The following ERCC6L2 variants were observed in gnomAD, a reference collection of about 807,000 sequenced individuals.
The protein encoded by ERCC6L2 is ERCC excision repair 6 like 2, also known as DNA excision repair protein ERCC-6-like 2.
ERCC6L2 carries 77 observed loss-of-function variants against 132.0 expected under a neutral mutation model. The observed-to-expected ratio is 0.58, with a 90% confidence interval of 0.49 to 0.71. ERCC6L2 has a LOEUF of 0.71. ERCC6L2 is among the 30% of genes least tolerant of loss of function. The probability of loss-of-function intolerance (pLI) is 0.00; values close to 1 mark genes in which losing one functional copy is unlikely to be tolerated. For missense variants in ERCC6L2, 1,542 were observed against 1,837.6 expected, an observed-to-expected ratio of 0.84 and a Z score of 2.94; for synonymous variants, 583 against 632.4, an observed-to-expected ratio of 0.92 and a Z score of 1.17.
downstream of ERCC6L2, among the ~76,000 whole-genome samples, chr9:96,022,196 T>TC (rs1309568024): frequency 2.6e-5 from 4 of 152,160 alleles, no homozygotes; most frequent in Non-Finnish European, 5.9e-5. Flanking sequence ...TGCAGACCTC[T>TC]CCCCGGGTTC....
intron 1 of ERCC6L2, chr9:95,876,406 TTA>T: frequency 3.2e-6 from 1 of 316,686 alleles, no homozygotes; most frequent in Non-Finnish European, 5.8e-6. Context: ...CGCAAAGTAT[TTA>T]TGTGACCCCG....
chr9:95,981,488 A>G (rs1385891399), intron 17 of ERCC6L2, among the ~76,000 whole-genome samples: 1 of 152,162 alleles, frequency 6.6e-6, no homozygotes, highest in Non-Finnish European at 1.5e-5. Flanking sequence ...TTGTTATTTG[A>G]TAGTACAAAT....
At chr9:95,883,806 C>T (rs1383808618) in intron 2 of ERCC6L2, among the ~76,000 whole-genome samples, 1 of 152,164 alleles carries the variant, frequency 6.6e-6, no homozygotes, top group Non-Finnish European at 1.5e-5. Context: ...TGCAGTAAGT[C>T]GAGATTGTGC....
At chr9:95,915,901 T>C in intron 5 of ERCC6L2, 72 bp downstream of exon 5, 1 of 1,405,544 alleles carries the variant, frequency 7.1e-7, no homozygotes, top group Non-Finnish European at 9.6e-7. Flanking sequence ...TGCTAATCAT[T>C]AGTTTCCAAA....
intron 12 of ERCC6L2, among the ~76,000 whole-genome samples, chr9:95,950,171 C>G (rs1831265653): frequency 6.6e-6 from 1 of 152,084 alleles, no homozygotes; most frequent in Non-Finnish European, 1.5e-5. Context: ...GCTTATAACT[C>G]TGCTTTTTTA....
chr9:95,925,076 T>A (rs1447929179), intron 9 of ERCC6L2, among the ~76,000 whole-genome samples: 1 of 152,206 alleles, frequency 6.6e-6, no homozygotes, highest in African/African-American at 2.4e-5. Flanking sequence ...ATTCAGGTGA[T>A]AAAAGATCTT....
At chr9:95,882,351 T>C (rs992125561) in intron 2 of ERCC6L2, among the ~76,000 whole-genome samples, 2 of 152,182 alleles carry the variant, frequency 1.3e-5, no homozygotes, top group South Asian at 2.1e-4. Flanking sequence ...GTGGGTATTA[T>C]TGGGAGTCCT....
chr9:95,968,027 G>A (rs765586995), intron 14 of ERCC6L2: 1 of 152,096 alleles, frequency 6.6e-6, no homozygotes, highest in Non-Finnish European at 1.5e-5. Flanking sequence ...TGTTAAACAA[G>A]TGTTATATAA....
chr9:95,924,794 A>C (rs1830032010), intron 9 of ERCC6L2, among the ~76,000 whole-genome samples: 1 of 152,116 alleles, frequency 6.6e-6, no homozygotes, highest in South Asian at 2.1e-4. Context: ...AATTTTTAGG[A>C]GGGAAAAGGT....
At chr9:95,913,786 C>G (rs1288032623) in intron 4 of ERCC6L2, among the ~76,000 whole-genome samples, 1 of 152,178 alleles carries the variant, frequency 6.6e-6, no homozygotes, top group African/African-American at 2.4e-5. Context: ...TGGCTTCTTT[C>G]ACTTAACATA....
chr9:95,998,577 G>A (rs1319316303), intron 17 of ERCC6L2, among the ~76,000 whole-genome samples: 1 of 152,198 alleles, frequency 6.6e-6, no homozygotes, highest in Non-Finnish European at 1.5e-5. Context: ...TGACTGTGCA[G>A]AACAGTTAGA....
chr9:95,884,490 T>C (rs187630119), intron 2 of ERCC6L2, among the ~76,000 whole-genome samples: 1,421 of 57,088 alleles, frequency 0.025, 10 homozygotes, highest in Admixed American at 0.044. Context: ...TCTTTTCTTC[T>C]TTTTTTTTTT....
intron 7 of ERCC6L2, among the ~76,000 whole-genome samples, chr9:95,921,875 A>G (rs1829883941): frequency 6.6e-6 from 1 of 151,992 alleles, no homozygotes; most frequent in Non-Finnish European, 1.5e-5. Flanking sequence ...ATCTAGTTTG[A>G]TATTTATTTG....
intron 20 of ERCC6L2, among the ~76,000 whole-genome samples, chr9:96,040,169 CCCA>C (rs966678593): frequency 2.6e-5 from 4 of 151,954 alleles, no homozygotes; most frequent in Admixed American, 2.0e-4. Context: ...CCCAAGCACC[CCCA>C]CAATAGCTCT....
chr9:95,994,086 G>A (rs1042386374), intron 17 of ERCC6L2, among the ~76,000 whole-genome samples: 3 of 152,194 alleles, frequency 2.0e-5, no homozygotes, highest in African/African-American at 7.2e-5. Context: ...AACCTTGAAT[G>A]ATGTTGAGGA....
At chr9:95,958,145 G>A (rs1370690785) in intron 13 of ERCC6L2, among the ~76,000 whole-genome samples, 5 of 149,968 alleles carry the variant, frequency 3.3e-5, no homozygotes, top group African/African-American at 1.2e-4. Context: ...TTTTGTTCTT[G>A]CGATAGTTTA....
chr9:96,016,620 A>T lies in ERCC6L2; in HGVS notation c.*3417A>T, dbSNP rs948215781. ...GAAGCCTTAGTTTGCAGAGATGATGATAAACTTTTCATCCTTCCACAGAAA... is the reference window on the plus strand; with the variant it reads ...GAAGCCTTAGTTTGCAGAGATGATGTTAAACTTTTCATCCTTCCACAGAAA... On this transcript the variant is annotated 3_prime_UTR_variant, in exon 19 of 19. Transcript: ENST00000653738. Among the ~76,000 whole-genome samples the T allele has an allele frequency of 6.6e-6, 1 of 152,248 alleles. No homozygotes were observed. Among genetic ancestry groups the T allele is most frequent in the African/African-American group, 2.4e-5 (1 of 41,468 alleles).
chr9:95,943,939 G>A (rs1830928682), intron 12 of ERCC6L2, among the ~76,000 whole-genome samples: 1 of 152,178 alleles, frequency 6.6e-6, no homozygotes, highest in Non-Finnish European at 1.5e-5. Flanking sequence ...TGGCACAGCT[G>A]CTGTGGAAAA....
At position 95,928,124 on chromosome 9, in the gene ERCC6L2, G is replaced by A; in HGVS notation, c.1579G>A (p.Val527Ile). The change falls in exon 10 of 19, where the codon GTT becomes ATT. Residue 527 changes from valine to isoleucine, a missense_variant. Transcript: ENST00000653738. ...TCATTGCAGGAAAAACAGAGATAAA[G>A]TTCTTCTCTTTTCTTTTTCCACCAA... is the stretch of plus-strand genomic sequence containing the variant. ...LNHCRKNRDKVLLFSFSTKLL... is the reference protein window; with the variant it reads ...LNHCRKNRDKILLFSFSTKLL... 6.2e-7 allele frequency: 1 copy of A among 1,612,548 alleles called. No individual in the cohort carries two copies. The highest frequency in any genetic ancestry group is 8.5e-7 in the Non-Finnish European group (1 of 1,179,082).
Sources: allele counts gnomAD v4.1 joint callset (sites outside exome capture counted in the v4.1 genomes callset), GRCh38; gene constraint gnomAD v4.1.1; transcripts MANE v1.5; gene names NCBI Gene and HGNC (gene_info 2026-07-23, HGNC 2026-07-21).